Variants in MOB3A observed in about 807,000 individuals in gnomAD.
MOB3A encodes MOB kinase activator 3A, also known as MOB LAK.
Under a neutral mutation model 17.8 loss-of-function variants are expected in MOB3A, and 17 were observed. That is an observed-to-expected ratio of 0.95 (90% CI 0.65 to 1.43). The LOEUF (loss-of-function observed/expected upper bound fraction) is 1.43, where lower values mean the gene tolerates loss of function less well. MOB3A is among the 40% of genes most tolerant of loss of function. MOB3A has a pLI of 0.00. For missense variants in MOB3A, 333 were observed against 310.8 expected, an observed-to-expected ratio of 1.07 and a Z score of -0.54; for synonymous variants, 124 against 133.2, an observed-to-expected ratio of 0.93 and a Z score of 0.48.
chr19:2,088,305 G>C (rs1195546266), intron 1 of MOB3A, among the ~76,000 whole-genome samples: 1 of 152,036 alleles, frequency 6.6e-6, no homozygotes, highest in Non-Finnish European at 1.5e-5. Context: ...GTTCTTGTTT[G>C]CTTTATTTTA....
rs556520559 is a variant in MOB3A, at chr19:2,081,313, C to T, written c.-119-2634G>A. On this transcript the variant is annotated intron_variant, in intron 2 of 4. Coordinates refer to ENST00000357066, the MANE Select transcript of MOB3A (RefSeq NM_130807.3). ...GAAAAAAAGCAAGTTAGAGGCCGGG[C>T]GTGGTGGCTCACGCCTGTAATCCCG... Among the ~76,000 whole-genome samples, 227 of 152,244 alleles carry T rather than the reference C, an allele frequency of 1.5e-3. 2 individuals are homozygous for T. Among genetic ancestry groups the T allele is most frequent in the South Asian group, 9.5e-3 (46 of 4,824 alleles).
At chr19:2,079,866 C>T (rs1408185711) in intron 2 of MOB3A, among the ~76,000 whole-genome samples, 3 of 152,220 alleles carry the variant, frequency 2.0e-5, no homozygotes, top group Admixed American at 6.5e-5. Context: ...CTCCAGGAGC[C>T]GGCCCAAGTC....
rs1384473129 is a variant in MOB3A at position 2,078,401 on chromosome 19, C to CTGCA, written c.159_160insTGCA (p.Gly54CysfsTer18). 6.2e-7 allele frequency: 1 copy of CTGCA among 1,614,110 alleles called. No homozygotes were observed. Among genetic ancestry groups the CTGCA allele is most frequent in the South Asian group, 1.1e-5 (1 of 91,078 alleles). Reference sequence around the variant, plus strand: ...GCCACCCAGTCGTTCAGGTCCTCGCCCGGGGGCAACTGCACGGCCAGCCGC... The same window carrying CTGCA: ...GCCACCCAGTCGTTCAGGTCCTCGCCTGCACGGGGGCAACTGCACGGCCAGCCGC... On this transcript the variant is annotated frameshift_variant, in exon 3 of 5. Coordinates refer to ENST00000357066, the MANE Select transcript of MOB3A (RefSeq NM_130807.3). LOFTEE classifies it high-confidence loss of function.
chr19:2,074,730 T>C (rs540119548), intron 4 of MOB3A, among the ~76,000 whole-genome samples: 13 of 151,854 alleles, frequency 8.6e-5, no homozygotes, highest in African/African-American at 2.4e-4. Context: ...TTTTTTTTTT[T>C]CCCCTGAGAC....
Position 2,076,971 on chromosome 19 carries a change from A to C in MOB3A, c.464T>G (p.Ile155Ser). 6.2e-7 allele frequency: 1 copy of C among 1,613,890 alleles called. No homozygotes were observed. The highest frequency in any genetic ancestry group is 1.1e-5 in the South Asian group (1 of 91,088). Residue 155 changes from isoleucine (I) to serine (S), a missense_variant, in exon 4 of 5, where the codon ATC becomes AGC. By Grantham distance (142) the Ile-to-Ser change is moderately radical. Coordinates refer to ENST00000357066, the MANE Select transcript of MOB3A (RefSeq NM_130807.3). ...PKNFLQTVRK[I>S]LSRLFRVFVH... The stretch of plus-strand genomic sequence containing the variant: ...GAACACGCGGAACAGCCGCGACAGG[A>C]TCTTCCGCACCGTCTGCAGGAAGTT...
Position 2,084,047 on chromosome 19 carries a change from C to G in MOB3A, c.-120+1128G>C, listed in dbSNP as rs990044229. Reference sequence around the variant, plus strand: ...TCAGCTTCCCAAAGTGCTGGGATTACAGGCGTGAGCCACCGTGCCTGGCTG... The same window carrying G: ...TCAGCTTCCCAAAGTGCTGGGATTAGAGGCGTGAGCCACCGTGCCTGGCTG... On this transcript the variant is annotated intron_variant, in intron 2 of 4. Coordinates refer to ENST00000357066, the MANE Select transcript of MOB3A (RefSeq NM_130807.3). 57 of 432,050 alleles carry G rather than the reference C, an allele frequency of 1.3e-4. No individual in the cohort carries two copies. In the Admixed American group the frequency reaches 1.5e-3, roughly 11 times the overall value. The allele number at this position is 432,050 out of a possible 1,614,324, so 26.8% of individuals were successfully genotyped here.
At chr19:2,090,512 C>A (rs566929257) in intron 1 of MOB3A, among the ~76,000 whole-genome samples, 10 of 152,044 alleles carry the variant, frequency 6.6e-5, no homozygotes, top group Non-Finnish European at 1.0e-4. Flanking sequence ...TACTCAGCAC[C>A]CTGCAGTGCC....
In MOB3A at chr19:2,073,241, A is replaced by G; in HGVS notation, c.*154T>C. 3.5e-6 allele frequency: 3 copies of G among 865,456 alleles called. No individual in the cohort carries two copies. The highest frequency in any genetic ancestry group is 1.8e-6 in the Non-Finnish European group (1 of 543,132). The allele number at this position is 865,456 out of a possible 1,614,324, so 53.6% of individuals were successfully genotyped here. A position where few individuals can be genotyped will look rare whatever the true frequency, so the allele number is the denominator to read the frequency against. ...GAAGGCATCTGCCGTCCGGGGTTGGAGCTCCTGAGGACCAACACCTGCTCA... is the reference window on the plus strand; with the variant it reads ...GAAGGCATCTGCCGTCCGGGGTTGGGGCTCCTGAGGACCAACACCTGCTCA... On this transcript the variant is annotated 3_prime_UTR_variant, in exon 5 of 5. Transcript: ENST00000357066.
rs777437440 is a variant in MOB3A at position 2,078,350 on chromosome 19, G to T, written c.211C>A (p.Arg71Ser). ...VAVHVVDFFN[R>S]VNLIYGTISD... The stretch of plus-strand genomic sequence containing the variant: ...ATGGTGCCGTAGATGAGGTTGACGC[G>T]GTTAAAGAAGTCCACCACGTGAACA... Residue 71 changes from arginine (R) to serine (S), a missense_variant, in exon 3 of 5, where the codon CGC (arginine) becomes AGC (serine). Arg to Ser is a moderately radical substitution (Grantham distance 110). Transcript: ENST00000357066. The T allele has an allele frequency of 6.2e-7, 1 of 1,612,426 alleles. No homozygotes were observed.
At chr19:2,087,490 C>G (rs569094310) in intron 1 of MOB3A, among the ~76,000 whole-genome samples, 76 of 152,096 alleles carry the variant, frequency 5.0e-4, no homozygotes, top group Non-Finnish European at 9.0e-4. Context: ...CATCTCTGTA[C>G]GAAATAGTTA....
intron 2 of MOB3A, among the ~76,000 whole-genome samples, chr19:2,081,932 A>T (rs2017495339): frequency 6.6e-6 from 1 of 152,154 alleles, no homozygotes; most frequent in Admixed American, 6.5e-5. Context: ...CGCAGTGACG[A>T]CAGAGTCTGC....
chr19:2,092,231 G>C (rs2017622587), intron 1 of MOB3A, among the ~76,000 whole-genome samples: 1 of 151,438 alleles, frequency 6.6e-6, no homozygotes, highest in Non-Finnish European at 1.5e-5. Context: ...CTCTCAAGTA[G>C]CTGGGACCAC....
chr19:2,076,818 T>G lies in MOB3A; in HGVS notation c.617A>C (p.Glu206Ala). Residue 206 changes from glutamate to alanine, a missense_variant, in exon 4 of 5, where the codon GAG (glutamate) becomes GCG (alanine). By Grantham distance (107) the Glu-to-Ala change is moderately radical. Transcript: ENST00000357066. Reference sequence around the variant, plus strand: ...AGCCCCAAGCCCGCGCACCAGTGGCTCCAGCTCCTTGGTGTCGATGAGGCC... The same window carrying G: ...AGCCCCAAGCCCGCGCACCAGTGGCGCCAGCTCCTTGGTGTCGATGAGGCC... ...EFGLIDTKEL[E>A]PLKEMTARMC... 7.4e-6 allele frequency: 12 copies of G among 1,613,738 alleles called. No homozygotes were observed. The highest frequency in any genetic ancestry group is 1.0e-5 in the Non-Finnish European group (12 of 1,179,966).
In MOB3A at chr19:2,093,585, G is replaced by A. The variant is rs765296517; in HGVS notation, c.-274+2641C>T. 3.3e-5 allele frequency among the ~76,000 whole-genome samples: 5 copies of A among 152,250 alleles called. No individual in the cohort carries two copies. Among genetic ancestry groups the A allele is most frequent in the Admixed American group, 1.3e-4 (2 of 15,290 alleles). On this transcript the variant is annotated intron_variant, in intron 1 of 4. Coordinates refer to ENST00000357066, the MANE Select transcript of MOB3A (RefSeq NM_130807.3). This position sits in a 1 kb window ranked among gnomAD's most constrained non-coding sequence, Gnocchi z 4.6. ...TGGTCTTGAATGCCTGACCTCAGGT[G>A]ATCTGCTCTCCTCGGCCTCCCAAAG... is the stretch of plus-strand genomic sequence containing the variant.
At chr19:2,077,472 C>G (rs2017426941) in intron 3 of MOB3A, among the ~76,000 whole-genome samples, 1 of 152,112 alleles carries the variant, frequency 6.6e-6, no homozygotes, top group Admixed American at 6.6e-5. Context: ...TAATGATCAT[C>G]CTCAAACCCA....
At chr19:2,083,007 G>T (rs112962724) in intron 2 of MOB3A, among the ~76,000 whole-genome samples, 1 of 62,764 alleles carries the variant, frequency 1.6e-5, no homozygotes, top group Admixed American at 1.3e-4. Context: ...TTAATTTTTT[G>T]TTGTTGTTGT....
chr19:2,078,186 C>G lies in MOB3A; in HGVS notation c.375G>C (p.Trp125Cys), dbSNP rs2017437261. The G allele has an allele frequency of 1.2e-6, 2 of 1,602,770 alleles. No homozygotes were observed. The highest frequency in any genetic ancestry group is 1.7e-6 in the Non-Finnish European group (2 of 1,171,162). The change falls in exon 3 of 5, where the codon TGG becomes TGC. Residue 125 changes from tryptophan (W) to cysteine (C), a missense_variant. Transcript: ENST00000357066. ...APRYMDLLMD[W>C]IEAQINNEDL... ...CCTCGTTGTTGATCTGCGCCTCGAT[C>G]CAGTCCATCAGCAGGTCCATGTACC...
In MOB3A at chr19:2,089,698, G is replaced by T. The variant is rs138274777; in HGVS notation, c.-273-4370C>A. Among the ~76,000 whole-genome samples, 708 of 152,238 alleles carry T rather than the reference G, an allele frequency of 4.7e-3. 6 individuals carry two copies. The highest frequency in any genetic ancestry group is 1.0e-2 in the South Asian group (48 of 4,822). On this transcript the variant is annotated intron_variant, in intron 1 of 4. Coordinates refer to ENST00000357066, the MANE Select transcript of MOB3A (RefSeq NM_130807.3). ...GAGGAAGAGAATCCCAGGAGCTGAG[G>T]TCCCCTGGTTTACACCGTCTGCCAT... is the stretch of plus-strand genomic sequence containing the variant.
intron 3 of MOB3A, among the ~76,000 whole-genome samples, chr19:2,077,904 C>T (rs188778751): frequency 6.6e-6 from 1 of 152,168 alleles, no homozygotes; most frequent in Non-Finnish European, 1.5e-5. Flanking sequence ...CCACCTTAGC[C>T]TCCCGAGTAG....
Sources: allele counts gnomAD v4.1 joint callset (sites outside exome capture counted in the v4.1 genomes callset), GRCh38; gene constraint gnomAD v4.1.1; non-coding constraint Gnocchi (gnomAD v3.1); transcripts MANE v1.5; gene names NCBI Gene and HGNC (gene_info 2026-07-23, HGNC 2026-07-21).